Variants in CHLSN observed in about 807,000 individuals in gnomAD.
CHLSN encodes cholesin.
chr7:1,093,681 A>G, the CHLSN span: 3 of 469,600 alleles, frequency 6.4e-6, no homozygotes, highest in Middle Eastern at 3.3e-4. Context: ...GTGGCTGACG[A>G]ATTTGTTTCT....
chr7:1,001,671 GT>G, the CHLSN span, among the ~76,000 whole-genome samples: 16 of 103,890 alleles, frequency 1.5e-4, no homozygotes, highest in South Asian at 3.5e-4. Context: ...CTGTGGGTGA[GT>G]GGAGTCCTGC....
the CHLSN span, chr7:1,127,149 C>T: frequency 3.0e-6 from 4 of 1,350,778 alleles, no homozygotes; most frequent in East Asian, 2.5e-5. Context: ...GCACCTGTTC[C>T]AGGCTCTGCT....
the CHLSN span, chr7:1,028,510 C>A: frequency 1.0e-6 from 1 of 985,144 alleles, no homozygotes; most frequent in Non-Finnish European, 1.2e-6. Flanking sequence ...CGGGGGTGGA[C>A]CCTGCTGCAG....
chr7:988,482 A>T, the CHLSN span: 1 of 1,603,568 alleles, frequency 6.2e-7, no homozygotes, highest in South Asian at 1.1e-5. Context: ...GGACGGCCCC[A>T]GCTCCGCCTG....
the CHLSN span, among the ~76,000 whole-genome samples, chr7:1,135,289 T>G: frequency 6.6e-6 from 1 of 151,890 alleles, no homozygotes; most frequent in East Asian, 1.9e-4. Context: ...ATTAACCCTC[T>G]CCTTCAACTA....
chr7:1,075,600 T>C, the CHLSN span, among the ~76,000 whole-genome samples: 3 of 133,646 alleles, frequency 2.2e-5, no homozygotes, highest in Admixed American at 8.1e-5. Context: ...GCACAACAAA[T>C]CGGGTCACTT....
the CHLSN span, among the ~76,000 whole-genome samples, chr7:1,018,107 T>C: frequency 6.6e-6 from 1 of 152,048 alleles, no homozygotes; most frequent in Non-Finnish European, 1.5e-5. Context: ...CGTGCACACA[T>C]ACCCCTGCCA....
At chr7:1,031,345 G>C in the CHLSN span, among the ~76,000 whole-genome samples, 1 of 152,098 alleles carries the variant, frequency 6.6e-6, no homozygotes, top group Non-Finnish European at 1.5e-5. Context: ...CACCACAGGC[G>C]GCTCCTGGGC....
the CHLSN span, chr7:986,414 G>C: frequency 3.3e-6 from 2 of 605,282 alleles, no homozygotes; most frequent in African/African-American, 3.8e-5. Context: ...AACCTGCCTG[G>C]CTGTCCCCTT....
the CHLSN span, chr7:1,092,219 G>A: frequency 9.9e-6 from 16 of 1,612,820 alleles, no homozygotes; most frequent in Non-Finnish European, 1.2e-5. Flanking sequence ...AGGGCCATGC[G>A]CTGCAGCCTG....
At chr7:997,743 CG>C in the CHLSN span, 6 of 1,611,072 alleles carry the variant, frequency 3.7e-6, no homozygotes, top group Middle Eastern at 4.9e-4. Context: ...CGTCAGCTCT[CG>C]GGCCCGGCCC....
chr7:989,959 G>A, the CHLSN span, among the ~76,000 whole-genome samples: 4 of 129,998 alleles, frequency 3.1e-5, no homozygotes, highest in Non-Finnish European at 4.8e-5. Context: ...TGGCGTGGTC[G>A]GCAGTGTGAG....
the CHLSN span, among the ~76,000 whole-genome samples, chr7:981,016 C>T: frequency 2.6e-3 from 401 of 152,078 alleles, 2 homozygotes; most frequent in African/African-American, 9.0e-3. Context: ...TAAAAGAGGG[C>T]TGGGCACTGT....
chr7:1,029,819 T>C, the CHLSN span, among the ~76,000 whole-genome samples: 2 of 152,200 alleles, frequency 1.3e-5, no homozygotes, highest in Non-Finnish European at 2.9e-5. Context: ...GCTGGCTGTT[T>C]TCCTCCTAGC....
the CHLSN span, chr7:997,589 T>G: frequency 6.8e-7 from 1 of 1,478,504 alleles, no homozygotes; most frequent in Admixed American, 2.6e-5. Context: ...GAGGCAGCCC[T>G]GCACTGGGCA....
chr7:979,782 G>T, the CHLSN span, among the ~76,000 whole-genome samples: 1 of 151,832 alleles, frequency 6.6e-6, no homozygotes, highest in East Asian at 1.9e-4. Flanking sequence ...GGGCACCTGC[G>T]CCATGCCTGC....
the CHLSN span, chr7:984,899 G>A: frequency 2.0e-6 from 3 of 1,532,626 alleles, no homozygotes; most frequent in Non-Finnish European, 2.6e-6. Context: ...TGCCTGGCGG[G>A]GCTGGCTGGG....
At chr7:1,072,351 C>T in the CHLSN span, among the ~76,000 whole-genome samples, 1 of 152,244 alleles carries the variant, frequency 6.6e-6, no homozygotes, top group Non-Finnish European at 1.5e-5. Context: ...AATGCCCCTG[C>T]ACACACGCAG....
chr7:1,136,264 TATAA>T, the CHLSN span, among the ~76,000 whole-genome samples: 1 of 117,126 alleles, frequency 8.5e-6, no homozygotes, highest in African/African-American at 3.5e-5. Flanking sequence ...TATAAACATA[TATAA>T]ATATATAAAA....
Sources: gnomAD v4.1 joint callset for allele counts (sites outside exome capture counted in the v4.1 genomes callset) on GRCh38, gnomAD v4.1.1 for gene constraint, MANE v1.5 for transcripts, NCBI Gene and HGNC (gene_info 2026-07-23, HGNC 2026-07-21) for gene names.